Variants in RAP1GAP observed in about 807,000 individuals in gnomAD.
RAP1GAP encodes the protein rap1 GTPase-activating protein 1.
Under a neutral mutation model 87.2 loss-of-function variants are expected in RAP1GAP, and 35 were observed. That is an observed-to-expected ratio of 0.40 (90% CI 0.31 to 0.53). The LOEUF is 0.53. RAP1GAP is among the 20% of genes least tolerant of loss of function. The probability of loss-of-function intolerance (pLI) is 0.48; values close to 1 mark genes in which losing one functional copy is unlikely to be tolerated. For missense variants in RAP1GAP, 734 were observed against 898.9 expected (o/e 0.82, Z 2.35); for synonymous variants, 375 against 363.9 (o/e 1.03, Z -0.35).
In RAP1GAP at chr1:21,622,605, G is replaced by T. The variant is rs1258669914; in HGVS notation, c.-18-2555C>A. ...AGGGGGCGGGGCGCCAGGTACGGGCGGCACGGCGCGGGGCGGGGCGGGGCG... is the reference window on the plus strand; with the variant it reads ...AGGGGGCGGGGCGCCAGGTACGGGCTGCACGGCGCGGGGCGGGGCGGGGCG... On this transcript the variant is annotated intron_variant, in intron 3 of 24. Transcript: ENST00000374765. The surrounding 1 kb of genome is among the most constrained non-coding windows in gnomAD (Gnocchi z 5.7). The T allele has an allele frequency of 1.4e-5, 2 of 146,292 alleles. No homozygotes were observed. Among genetic ancestry groups the T allele is most frequent in the Non-Finnish European group, 3.0e-5 (2 of 65,790 alleles). 9.1% of individuals were successfully genotyped at this position (146,292 alleles called of 1,614,324 possible).
chr1:21,651,253 C>T (rs373176042), intron 1 of RAP1GAP: 39 of 369,418 alleles, frequency 1.1e-4, no homozygotes, highest in African/African-American at 8.0e-4. Flanking sequence ...CAGCCTGGTG[C>T]CCAGGGTGGG....
chr1:21,602,438 C>G (rs979731550), intron 19 of RAP1GAP, among the ~76,000 whole-genome samples: 1 of 152,240 alleles, frequency 6.6e-6, no homozygotes, highest in African/African-American at 2.4e-5. Context: ...CCCCCAGGCC[C>G]ATCTGTGGCC....
At chr1:21,621,524 T>A (rs751015197) in intron 3 of RAP1GAP, among the ~76,000 whole-genome samples, 3 of 151,888 alleles carry the variant, frequency 2.0e-5, no homozygotes, top group Admixed American at 6.5e-5. Flanking sequence ...ACCACAGGAG[T>A]CCATAGGACA....
chr1:21,607,939 G>C (rs931396936), intron 17 of RAP1GAP, among the ~76,000 whole-genome samples: 2 of 146,862 alleles, frequency 1.4e-5, no homozygotes, highest in Non-Finnish European at 3.0e-5. Context: ...ACCCGCAGGC[G>C]AGCGGCCTCT....
At position 21,632,697 on chromosome 1, in the gene RAP1GAP, C is replaced by T. The variant is rs147747432; in HGVS notation, c.-112-6300G>A. 1.2e-4 allele frequency among the ~76,000 whole-genome samples: 19 copies of T among 152,232 alleles called. No homozygotes were observed. In the East Asian group the frequency reaches 2.9e-3, roughly 23 times the overall value. ...GGAGGAACACTTGAAGCCAGGGGTT[C>T]GAGACCAGCCTGGGCAGCAAAGTGA... On this transcript the variant is annotated intron_variant, in intron 2 of 24. Coordinates refer to ENST00000374765, the MANE Select transcript of RAP1GAP (RefSeq NM_002885.4).
At chr1:21,651,798 TG>T in intron 1 of RAP1GAP, 1 of 1,358,896 alleles carries the variant, frequency 7.4e-7, no homozygotes, top group African/African-American at 1.6e-5. Context: ...GCCCCGAAGG[TG>T]AAGCTGCGCT....
At position 21,622,226 on chromosome 1, in the gene RAP1GAP, G is replaced by C. The variant is rs1265005872; in HGVS notation, c.-18-2176C>G. 3.0e-6 allele frequency: 1 copy of C among 337,630 alleles called. No homozygotes were observed. Among genetic ancestry groups the C allele is most frequent in the South Asian group, 5.1e-5 (1 of 19,530 alleles). The allele number at this position is 337,630 out of a possible 1,614,324, so 20.9% of individuals were successfully genotyped here. Reference sequence around the variant, plus strand: ...GCCCAGAAGCTCACACGCCCACCATGACGGAGCCTTGTCCGCCCGCCCTGG... The same window carrying C: ...GCCCAGAAGCTCACACGCCCACCATCACGGAGCCTTGTCCGCCCGCCCTGG... On this transcript the variant is annotated intron_variant, in intron 3 of 24. Coordinates refer to ENST00000374765, the MANE Select transcript of RAP1GAP (RefSeq NM_002885.4). This position sits in a 1 kb window ranked among gnomAD's most constrained non-coding sequence, Gnocchi z 5.7.
rs138918108 is a variant in RAP1GAP at position 21,617,354 on chromosome 1, G to A, written c.243C>T (p.Leu81=). 5.2e-5 allele frequency: 83 copies of A among 1,598,088 alleles called. 2 individuals carry two copies. In the African/African-American group the frequency reaches 9.6e-4, roughly 19 times the overall value. ...AGATGCGGGCTGTGGGGTTGCACTC[G>A]AGCTTCACCTTGGTTGTGGGCGACT... ...PLQSPTTKVK[L]ECNPTARIYR... The change falls in exon 7 of 25, where the codon CTC becomes CTT. Residue 81 remains leucine, a synonymous_variant. Transcript: ENST00000374765.
chr1:21,607,540 C>A (rs975804734), intron 17 of RAP1GAP, among the ~76,000 whole-genome samples: 2 of 121,536 alleles, frequency 1.6e-5, no homozygotes, highest in Admixed American at 1.5e-4. Context: ...GTTCACACAC[C>A]TCTTCTGAGA....
intron 1 of RAP1GAP, among the ~76,000 whole-genome samples, chr1:21,667,847 GCC>G: frequency 6.6e-6 from 1 of 152,178 alleles, no homozygotes; most frequent in South Asian, 2.1e-4. Flanking sequence ...AATTGCTCGT[GCC>G]ACCTGAGGAT....
In RAP1GAP at chr1:21,603,340, G is replaced by A. The variant is rs1171399745; in HGVS notation, c.1429-427C>T. On this transcript the variant is annotated intron_variant, in intron 18 of 24. Coordinates refer to ENST00000374765, the MANE Select transcript of RAP1GAP (RefSeq NM_002885.4). This position sits in a 1 kb window ranked among gnomAD's most constrained non-coding sequence, Gnocchi z 6.0. ...CTCCCCGGAACCTCCAAATTGGCTG[G>A]GGGAGGTTCTGGCCCAGCAGCTGGA... 2 of 411,140 alleles carry A rather than the reference G, an allele frequency of 4.9e-6. No homozygotes were observed. Among genetic ancestry groups the A allele is most frequent in the East Asian group, 8.4e-5 (2 of 23,812 alleles). 25.5% of individuals were successfully genotyped at this position (411,140 alleles called of 1,614,324 possible).
At chr1:21,632,971 A>T (rs1296657717) in intron 2 of RAP1GAP, among the ~76,000 whole-genome samples, 1 of 152,200 alleles carries the variant, frequency 6.6e-6, no homozygotes, top group Non-Finnish European at 1.5e-5. Context: ...GAGACCAAGC[A>T]CAGGTGGCCA....
intron 24 of RAP1GAP, 67 bp downstream of exon 24, chr1:21,597,619 A>T: frequency 7.1e-7 from 1 of 1,403,828 alleles, no homozygotes; most frequent in Non-Finnish European, 9.7e-7. Context: ...ACAGGGAGGA[A>T]TCAGCTCAGC....
At chr1:21,666,876 C>T (rs1374771288) in intron 1 of RAP1GAP, among the ~76,000 whole-genome samples, 1 of 152,190 alleles carries the variant, frequency 6.6e-6, no homozygotes, top group African/African-American at 2.4e-5. Context: ...ACGAGGGCTT[C>T]TGAAAAGGCT....
chr1:21,614,803 T>C (rs2080957614), intron 7 of RAP1GAP, among the ~76,000 whole-genome samples: 1 of 152,134 alleles, frequency 6.6e-6, no homozygotes, highest in Non-Finnish European at 1.5e-5. Context: ...CCACCCAGCC[T>C]GGCCCCGGGC....
intron 13 of RAP1GAP, among the ~76,000 whole-genome samples, chr1:21,611,049 TCTCCCAGCTCCTTCACGGA>T (rs2077905485): frequency 6.6e-6 from 1 of 152,054 alleles, no homozygotes; most frequent in African/African-American, 2.4e-5. Context: ...TTCCCTTCCT[TCTCCCAGCTCCTTCACGGA>T]CTAAAAGTCA....
chr1:21,660,345 A>ATATATATATATATATT lies in RAP1GAP; in HGVS notation c.-149+8908_-149+8909insAATATATATATATATA. On this transcript the variant is annotated intron_variant, in intron 1 of 24. Coordinates refer to ENST00000374765, the MANE Select transcript of RAP1GAP (RefSeq NM_002885.4). ...AGAGTGGGTTCCAACTCAGCTATATATATTTATTGAGACAGTCTCGCTCTG... is the reference window on the plus strand; with the variant it reads ...AGAGTGGGTTCCAACTCAGCTATATATATATATATATATATTTATTTATTGAGACAGTCTCGCTCTG... Among the ~76,000 whole-genome samples, 44 of 92,620 alleles carry ATATATATATATATATT rather than the reference A, an allele frequency of 4.8e-4. 7 individuals carry two copies. The highest frequency in any genetic ancestry group is 6.7e-4 in the Non-Finnish European group (30 of 44,754). The allele number at this position is 92,620 out of a possible 152,430, so 60.8% of individuals were successfully genotyped here.
In RAP1GAP at chr1:21,613,878, C is replaced by G; in HGVS notation, c.395+108G>C. 8.4e-7 allele frequency: 1 copy of G among 1,197,596 alleles called. No homozygotes were observed. Among genetic ancestry groups the G allele is most frequent in the Non-Finnish European group, 1.2e-6 (1 of 834,446 alleles). 74.2% of individuals were successfully genotyped at this position (1,197,596 alleles called of 1,614,324 possible). On this transcript the variant is annotated intron_variant, in intron 8 of 24. Coordinates refer to ENST00000374765, the MANE Select transcript of RAP1GAP (RefSeq NM_002885.4). This position sits in a 1 kb window ranked among gnomAD's most constrained non-coding sequence, Gnocchi z 4.7. ...TTGCTGTGCAACCTCAAGCAAATCC[C>G]TGCCCCTCTATGGGCCTTGATGAAG...
At chr1:21,665,122 C>T (rs1332602698) in intron 1 of RAP1GAP, 2 of 370,540 alleles carry the variant, frequency 5.4e-6, no homozygotes, top group Non-Finnish European at 1.1e-5. Context: ...CATTCACCTT[C>T]TTATCCCTTG....
Sources: gnomAD v4.1 joint callset for allele counts (sites outside exome capture counted in the v4.1 genomes callset) on GRCh38, gnomAD v4.1.1 for gene constraint, Gnocchi (gnomAD v3.1) non-coding constraint, MANE v1.5 for transcripts, NCBI Gene and HGNC (gene_info 2026-07-23, HGNC 2026-07-21) for gene names.